Variants in SAMD12 observed in about 807,000 individuals in gnomAD.
SAMD12 encodes sterile alpha motif domain containing 12.
SAMD12 carries 9 observed loss-of-function variants against 15.0 expected under a neutral mutation model. The observed-to-expected ratio is 0.60, with a 90% confidence interval of 0.36 to 1.05. The LOEUF is 1.05. Ranked by LOEUF, SAMD12 falls within the 50% of genes least tolerant of loss-of-function variation. The probability of loss-of-function intolerance (pLI) is 0.01; values close to 1 mark genes in which losing one functional copy is unlikely to be tolerated. For synonymous variants in SAMD12, 86 were observed against 90.1 expected (o/e 0.96, Z 0.25); for missense variants, 230 against 234.2 (o/e 0.98, Z 0.12).
chr8:118,475,794 A>T (rs576277836), intron 2 of SAMD12, among the ~76,000 whole-genome samples: 1 of 152,348 alleles, frequency 6.6e-6, no homozygotes, highest in African/African-American at 2.4e-5. Flanking sequence ...TGGGCTTAAG[A>T]TCCATTAGCG....
At chr8:118,182,613 TA>T in the SAMD12 span, among the ~76,000 whole-genome samples, 5 of 152,156 alleles carry the variant, frequency 3.3e-5, no homozygotes, top group African/African-American at 1.2e-4. Flanking sequence ...TATGAATAAA[TA>T]AAAGCTCTTG....
At chr8:118,425,359 A>AC (rs1822199087) in intron 3 of SAMD12, among the ~76,000 whole-genome samples, 1 of 152,222 alleles carries the variant, frequency 6.6e-6, no homozygotes, top group Non-Finnish European at 1.5e-5. Flanking sequence ...AAACTGACAG[A>AC]GTAATTAACA....
chr8:118,310,184 T>C (rs922119431), intron 4 of SAMD12, among the ~76,000 whole-genome samples: 7 of 152,180 alleles, frequency 4.6e-5, no homozygotes, highest in Admixed American at 3.3e-4. Flanking sequence ...GCCTCTCTAA[T>C]CACACAAAAA....
chr8:118,554,693 TAA>T (rs752618784), intron 2 of SAMD12, among the ~76,000 whole-genome samples: 1 of 143,920 alleles, frequency 6.9e-6, no homozygotes, highest in Non-Finnish European at 1.5e-5. Flanking sequence ...AAAAAAGAAC[TAA>T]AAAAAAAAAA....
chr8:118,469,531 T>TATTATATATTTAA (rs1230688616), intron 2 of SAMD12, among the ~76,000 whole-genome samples: 1,253 of 2,700 alleles, frequency 0.46, 557 homozygotes, highest in African/African-American at 0.74. Context: ...ATATAATATA[T>TATTATATATTTAA]TATATATATT....
chr8:118,308,514 A>C (rs1241649365), intron 4 of SAMD12, among the ~76,000 whole-genome samples: 2 of 152,168 alleles, frequency 1.3e-5, no homozygotes, highest in African/African-American at 4.8e-5. Context: ...CAGAACCGGT[A>C]AATGTTGGTG....
chr8:118,496,830 C>T (rs546095913), intron 2 of SAMD12, among the ~76,000 whole-genome samples: 40 of 151,736 alleles, frequency 2.6e-4, no homozygotes, highest in African/African-American at 9.7e-4. Context: ...ACAGAAGTGT[C>T]ATATCCAGAG....
intron 2 of SAMD12, among the ~76,000 whole-genome samples, chr8:118,449,650 T>C (rs1823016476): frequency 6.6e-6 from 1 of 151,180 alleles, no homozygotes; most frequent in African/African-American, 2.4e-5. Context: ...ATACAAAAAA[T>C]TAGCTGGGCG....
At chr8:118,308,401 T>C (rs1036284194) in intron 4 of SAMD12, among the ~76,000 whole-genome samples, 1 of 152,202 alleles carries the variant, frequency 6.6e-6, no homozygotes, top group African/African-American at 2.4e-5. Context: ...TTTACATAAA[T>C]GATCTTATTT....
At chr8:118,524,869 C>T (rs986064667) in intron 2 of SAMD12, among the ~76,000 whole-genome samples, 1 of 152,214 alleles carries the variant, frequency 6.6e-6, no homozygotes, top group Admixed American at 6.5e-5. Flanking sequence ...CACCACTCTC[C>T]TGTGGATAAT....
chr8:118,502,836 G>A (rs780663531), intron 2 of SAMD12, among the ~76,000 whole-genome samples: 3 of 152,138 alleles, frequency 2.0e-5, no homozygotes, highest in Non-Finnish European at 4.4e-5. Context: ...TCTCTCAAAC[G>A]ATAAAATGAG....
chr8:118,202,756 C>T (rs1819750387), intron 4 of SAMD12, among the ~76,000 whole-genome samples: 1 of 152,156 alleles, frequency 6.6e-6, no homozygotes, highest in Admixed American at 6.5e-5. Context: ...CTGAAAGTGT[C>T]TTTCGTGTAA....
intron 3 of SAMD12, among the ~76,000 whole-genome samples, chr8:118,418,325 C>G (rs1053053031): frequency 3.3e-5 from 5 of 152,116 alleles, no homozygotes; most frequent in African/African-American, 1.2e-4. Context: ...AATTTATTCC[C>G]TAGCCTTTCT....
At chr8:118,446,848 C>G in intron 2 of SAMD12, among the ~76,000 whole-genome samples, 1 of 152,096 alleles carries the variant, frequency 6.6e-6, no homozygotes, top group Non-Finnish European at 1.5e-5. Context: ...ATGATGTAGG[C>G]TGAGGAATCC....
rs182981794 is a variant in SAMD12 at position 118,309,151 on chromosome 8, C to T, written c.433+70409G>A. 2.0e-4 allele frequency among the ~76,000 whole-genome samples: 31 copies of T among 152,244 alleles called. 1 individual carries two copies. In the East Asian group the frequency reaches 5.8e-3, roughly 28 times the overall value. ...TTGTATCCCTCACCCTCTTTCCACC[C>T]TTTCTCCTGAGTCCCCAAAGTCCAT... is the stretch of plus-strand genomic sequence containing the variant. On this transcript the variant is annotated intron_variant, in intron 4 of 4. Coordinates refer to the SAMD12 transcript ENST00000409003.
intron 4 of SAMD12, among the ~76,000 whole-genome samples, chr8:118,350,592 A>G (rs1474483950): frequency 6.6e-6 from 1 of 152,212 alleles, no homozygotes; most frequent in African/African-American, 2.4e-5. Flanking sequence ...CTTAATTATT[A>G]CTAATACTCA....
intron 2 of SAMD12, among the ~76,000 whole-genome samples, chr8:118,538,569 T>C (rs1825909244): frequency 6.6e-6 from 1 of 152,134 alleles, no homozygotes; most frequent in Non-Finnish European, 1.5e-5. Flanking sequence ...CCACAATCAC[T>C]GTGCTCTCCC....
intron 1 of SAMD12, among the ~76,000 whole-genome samples, chr8:118,598,961 C>A (rs777822624): frequency 6.6e-6 from 1 of 152,164 alleles, no homozygotes; most frequent in Non-Finnish European, 1.5e-5. Context: ...CCAAACTGTG[C>A]GATCTCTGTC....
chr8:118,584,688 A>T (rs1827386989), intron 1 of SAMD12, among the ~76,000 whole-genome samples: 1 of 152,190 alleles, frequency 6.6e-6, no homozygotes. Flanking sequence ...AAAAAAATTT[A>T]AGAGAGAAAT....
Sources: gnomAD v4.1 joint callset for allele counts (sites outside exome capture counted in the v4.1 genomes callset) on GRCh38, gnomAD v4.1.1 for gene constraint, MANE v1.5 for transcripts, NCBI Gene and HGNC (gene_info 2026-07-23, HGNC 2026-07-21) for gene names.